The following MNAT1 variants were observed in gnomAD, a reference collection of about 807,000 sequenced individuals.
MNAT1 encodes CDK-activating kinase assembly factor MAT1.
In MNAT1, 43 loss-of-function variants were observed where a neutral mutation model predicts 42.0. That is an observed-to-expected ratio of 1.02 (90% confidence interval 0.80 to 1.32). MNAT1 has a LOEUF of 1.32. Among genes scored for constraint, MNAT1 ranks in the 40% most tolerant of loss-of-function variants. The pLI, the probability that MNAT1 is intolerant of heterozygous loss-of-function variation, is 0.00. For synonymous variants in MNAT1, 118 were observed against 120.0 expected, an observed-to-expected ratio of 0.98 and a Z score of 0.11; for missense variants, 306 against 350.4, an observed-to-expected ratio of 0.87 and a Z score of 1.01.
intron 3 of MNAT1, among the ~76,000 whole-genome samples, chr14:60,800,641 C>A (rs1035537657): frequency 6.6e-6 from 1 of 152,100 alleles, no homozygotes; most frequent in Admixed American, 6.6e-5. Flanking sequence ...TGCTCTATGT[C>A]ATTAAGTTAG....
intron 1 of MNAT1, among the ~76,000 whole-genome samples, chr14:60,765,609 A>G (rs1247934631): frequency 6.6e-6 from 1 of 152,246 alleles, no homozygotes; most frequent in Non-Finnish European, 1.5e-5. Flanking sequence ...AGAAAGCTGT[A>G]TAACACACAC....
chr14:60,968,351 C>T lies in MNAT1; in HGVS notation c.*2C>T. On this transcript the variant is annotated 3_prime_UTR_variant, in exon 8 of 8. Coordinates refer to ENST00000261245, the MANE Select transcript of MNAT1 (RefSeq NM_002431.4). The stretch of plus-strand genomic sequence containing the variant: ...GGGCTTTTCTGGCAGCCCAGTTAAC[C>T]ATTTATAAGATTTGGACCTTGGAGC... 2 of 1,608,756 alleles carry T rather than the reference C, an allele frequency of 1.2e-6. No homozygotes were observed. Among genetic ancestry groups the T allele is most frequent in the East Asian group, 2.2e-5 (1 of 44,826 alleles).
At chr14:60,953,485 T>C (rs930857346) in intron 7 of MNAT1, among the ~76,000 whole-genome samples, 2 of 152,126 alleles carry the variant, frequency 1.3e-5, no homozygotes, top group Non-Finnish European at 2.9e-5. Flanking sequence ...TAGCAGAGGG[T>C]AAAAGTGCTT....
At chr14:60,810,776 T>G (rs2032517225) in intron 4 of MNAT1, among the ~76,000 whole-genome samples, 1 of 152,220 alleles carries the variant, frequency 6.6e-6, no homozygotes, top group African/African-American at 2.4e-5. Context: ...TTGTGACCTA[T>G]CCTGTAGAAA....
chr14:60,896,429 A>G (rs778841415), intron 7 of MNAT1, among the ~76,000 whole-genome samples: 22 of 152,196 alleles, frequency 1.4e-4, no homozygotes, highest in African/African-American at 5.1e-4. Flanking sequence ...GATACAAATC[A>G]TGAGCATTTG....
intron 7 of MNAT1, among the ~76,000 whole-genome samples, chr14:60,889,552 A>G (rs932502343): frequency 9.2e-5 from 14 of 152,246 alleles, no homozygotes; most frequent in Non-Finnish European, 1.6e-4. Flanking sequence ...CAAGGACTTC[A>G]TGTCTAAAAC....
At chr14:60,917,751 T>G (rs1009163918) in intron 7 of MNAT1, among the ~76,000 whole-genome samples, 1 of 151,978 alleles carries the variant, frequency 6.6e-6, no homozygotes, top group Non-Finnish European at 1.5e-5. Flanking sequence ...GCCTTCCAAG[T>G]AGCTGGGATT....
chr14:60,926,085 C>T (rs2035757898), intron 7 of MNAT1, among the ~76,000 whole-genome samples: 1 of 152,180 alleles, frequency 6.6e-6, no homozygotes, highest in African/African-American at 2.4e-5. Flanking sequence ...GGTTAGAAAT[C>T]CCTAGTAGTT....
intron 3 of MNAT1, among the ~76,000 whole-genome samples, chr14:60,805,036 A>G (rs1472502310): frequency 4.6e-5 from 7 of 152,156 alleles, no homozygotes; most frequent in African/African-American, 1.7e-4. Flanking sequence ...AACCAAGATA[A>G]TTTAGTCCTG....
intron 6 of MNAT1, among the ~76,000 whole-genome samples, chr14:60,848,083 C>T (rs956127957): frequency 6.6e-6 from 1 of 152,128 alleles, no homozygotes; most frequent in African/African-American, 2.4e-5. Flanking sequence ...TCCTTTTAGC[C>T]TGCAGGACAT....
chr14:60,936,233 AT>A (rs557748522), intron 7 of MNAT1, among the ~76,000 whole-genome samples: 4 of 151,836 alleles, frequency 2.6e-5, no homozygotes, highest in South Asian at 2.1e-4. Context: ...GTGTGTGTGC[AT>A]TTTTTTTATT....
intron 6 of MNAT1, among the ~76,000 whole-genome samples, chr14:60,826,180 TC>T (rs755417813): frequency 3.9e-5 from 6 of 152,150 alleles, no homozygotes; most frequent in Non-Finnish European, 8.8e-5. Context: ...AAGTATATTT[TC>T]TAGGAATTAA....
intron 1 of MNAT1, among the ~76,000 whole-genome samples, chr14:60,777,129 C>T (rs185687679): frequency 3.2e-4 from 49 of 152,232 alleles, no homozygotes; most frequent in African/African-American, 1.1e-3. Flanking sequence ...GGATTACAGG[C>T]GTGAGCCACC....
Position 60,968,680 on chromosome 14 carries a change from A to AGTTCTGTG in MNAT1, c.*335_*342dup, listed in dbSNP as rs2036728639. The AGTTCTGTG allele has an allele frequency of 6.7e-6, 3 of 449,416 alleles. No individual in the cohort carries two copies. Among genetic ancestry groups the AGTTCTGTG allele is most frequent in the Non-Finnish European group, 1.1e-5 (3 of 275,764 alleles). The allele number at this position is 449,416 out of a possible 1,614,324, so 27.8% of individuals were successfully genotyped here. On this transcript the variant is annotated 3_prime_UTR_variant, in exon 8 of 8. Transcript: ENST00000261245. ...AAAAATAAAGCTATAATTTATATTA[A>AGTTCTGTG]GTTCTGTGGTTTTTCTCTTATTACA...
rs140684245 is a variant in MNAT1 at position 60,763,397 on chromosome 14, C to T, written c.89+28446C>T. Among the ~76,000 whole-genome samples, 55 of 152,172 alleles carry T rather than the reference C, an allele frequency of 3.6e-4. No homozygotes were observed. The East Asian group carries it at 0.01, about 28-fold the overall frequency. Reference sequence around the variant, plus strand: ...TAATAATTCCTTTGAATCATATGCTCTTTATGCTGGAAGAGATCTCAGAGA... The same window carrying T: ...TAATAATTCCTTTGAATCATATGCTTTTTATGCTGGAAGAGATCTCAGAGA... On this transcript the variant is annotated intron_variant, in intron 1 of 7. Transcript: ENST00000261245.
intron 6 of MNAT1, among the ~76,000 whole-genome samples, chr14:60,819,647 A>G (rs1169338616): frequency 6.6e-6 from 1 of 152,162 alleles, no homozygotes; most frequent in Non-Finnish European, 1.5e-5. Flanking sequence ...AATATATGCA[A>G]CTACTCTGTA....
chr14:60,834,294 G>C (rs1317940822), intron 6 of MNAT1, among the ~76,000 whole-genome samples: 1 of 147,728 alleles, frequency 6.8e-6, no homozygotes, highest in East Asian at 2.0e-4. Flanking sequence ...TTCCCACTTC[G>C]TACTGCCATA....
chr14:60,827,003 A>G (rs1406583847), intron 6 of MNAT1, among the ~76,000 whole-genome samples: 3 of 152,160 alleles, frequency 2.0e-5, no homozygotes, highest in Non-Finnish European at 4.4e-5. Context: ...TTGAGATTCT[A>G]CGGCTGAGGA....
intron 7 of MNAT1, among the ~76,000 whole-genome samples, chr14:60,935,543 C>T (rs994086913): frequency 3.3e-5 from 5 of 152,066 alleles, no homozygotes; most frequent in Non-Finnish European, 5.9e-5. Flanking sequence ...AGTATCTTCT[C>T]TTATTTTCAG....
Sources: allele counts gnomAD v4.1 joint callset (sites outside exome capture counted in the v4.1 genomes callset), GRCh38; gene constraint gnomAD v4.1.1; transcripts MANE v1.5; gene names NCBI Gene and HGNC (gene_info 2026-07-23, HGNC 2026-07-21).